Variants in NIPSNAP1 observed in about 807,000 individuals in gnomAD.
NIPSNAP1 encodes protein NipSnap homolog 1.
A neutral mutation model predicts 49.2 loss-of-function variants in NIPSNAP1; 25 were observed. The observed-to-expected ratio is 0.51, with a 90% CI of 0.37 to 0.71. NIPSNAP1 has a LOEUF of 0.71. NIPSNAP1 is among the 30% of genes least tolerant of loss of function. NIPSNAP1 has a pLI of 0.00. For synonymous variants in NIPSNAP1, 143 were observed against 140.7 expected (o/e 1.02, Z -0.12); for missense variants, 294 against 361.0 (o/e 0.81, Z 1.50).
intron 9 of NIPSNAP1, among the ~76,000 whole-genome samples, chr22:29,558,590 C>T (rs1033729646): frequency 1.3e-5 from 2 of 152,156 alleles, no homozygotes; most frequent in Admixed American, 6.6e-5. Context: ...ACAGCCTCAG[C>T]GAGGTAAAGA....
intron 1 of NIPSNAP1, 22 bp downstream of exon 1, chr22:29,580,962 TC>T: frequency 6.6e-7 from 1 of 1,523,344 alleles, no homozygotes; most frequent in South Asian, 1.2e-5. Context: ...CGCGCGTCTA[TC>T]CCTGCCTGGC....
chr22:29,565,513 G>A (rs748524424), intron 4 of NIPSNAP1, among the ~76,000 whole-genome samples: 4 of 150,666 alleles, frequency 2.7e-5, no homozygotes, highest in Non-Finnish European at 5.9e-5. Context: ...ACTCGGTCTC[G>A]AAAAAGAAAA....
At chr22:29,565,908 A>T (rs1330815055) in intron 4 of NIPSNAP1, among the ~76,000 whole-genome samples, 2 of 152,248 alleles carry the variant, frequency 1.3e-5, no homozygotes, top group Non-Finnish European at 2.9e-5. Context: ...CAGGTCACAG[A>T]TTATTTTCAA....
chr22:29,555,846 G>T lies in NIPSNAP1; in HGVS notation c.*89C>A. ...CCCCTCAGAGTCCTCCCAGAGCCAAGACAAAACCAAGACAGCAGGACCAGG... is the reference window on the plus strand; with the variant it reads ...CCCCTCAGAGTCCTCCCAGAGCCAATACAAAACCAAGACAGCAGGACCAGG... On this transcript the variant is annotated 3_prime_UTR_variant, in exon 10 of 10. Coordinates refer to ENST00000216121, the MANE Select transcript of NIPSNAP1 (RefSeq NM_003634.4). 7.8e-7 allele frequency: 1 copy of T among 1,277,470 alleles called. No individual in the cohort carries two copies. Among genetic ancestry groups the T allele is most frequent in the Non-Finnish European group, 1.1e-6 (1 of 897,146 alleles). 79.1% of individuals were successfully genotyped at this position (1,277,470 alleles called of 1,614,324 possible). A position where few individuals can be genotyped will look rare whatever the true frequency, so the allele number is the denominator to read the frequency against.
chr22:29,571,339 C>T (rs1008007158), intron 1 of NIPSNAP1, among the ~76,000 whole-genome samples: 25 of 152,184 alleles, frequency 1.6e-4, no homozygotes, highest in Admixed American at 1.4e-3. Flanking sequence ...GAGTAAAAGG[C>T]ACTGCAAAGC....
chr22:29,573,273 G>T (rs907262546), intron 1 of NIPSNAP1, among the ~76,000 whole-genome samples: 1 of 152,066 alleles, frequency 6.6e-6, no homozygotes, highest in African/African-American at 2.4e-5. Context: ...TCGACCTCAT[G>T]ATCCACCTGC....
chr22:29,580,942 C>T, intron 1 of NIPSNAP1, 43 bp downstream of exon 1: 2 of 1,468,360 alleles, frequency 1.4e-6, no homozygotes, highest in Non-Finnish European at 1.8e-6. Flanking sequence ...CGCGCCTGCA[C>T]CCCACCCCGC....
chr22:29,562,274 G>A (rs551338145), intron 4 of NIPSNAP1, among the ~76,000 whole-genome samples: 186 of 152,260 alleles, frequency 1.2e-3, no homozygotes, highest in Middle Eastern at 3.4e-3. Context: ...AGAACTGATG[G>A]GCTGATATGG....
chr22:29,565,645 G>A (rs1054696199), intron 4 of NIPSNAP1, among the ~76,000 whole-genome samples: 8 of 152,114 alleles, frequency 5.3e-5, no homozygotes. Flanking sequence ...AGCTGTAGTG[G>A]CTGAAACTGA....
At chr22:29,560,700 CT>C in intron 8 of NIPSNAP1, 33 bp downstream of exon 8, 1 of 1,565,240 alleles carries the variant, frequency 6.4e-7, no homozygotes, top group South Asian at 1.1e-5. Context: ...AGAAAGAGAA[CT>C]AACAAAAGGC....
At chr22:29,560,013 T>TC (rs2064322783) in intron 8 of NIPSNAP1, among the ~76,000 whole-genome samples, 1 of 152,080 alleles carries the variant, frequency 6.6e-6, no homozygotes, top group African/African-American at 2.4e-5. Context: ...CCCTACTCAC[T>TC]CCACACTGGC....
intron 1 of NIPSNAP1, among the ~76,000 whole-genome samples, chr22:29,575,334 C>T (rs1340966885): frequency 3.9e-5 from 6 of 152,110 alleles, no homozygotes; most frequent in Admixed American, 3.9e-4. Context: ...CGTCTCTTCC[C>T]ACTACTCTAA....
intron 4 of NIPSNAP1, among the ~76,000 whole-genome samples, chr22:29,568,675 C>T (rs972844908): frequency 6.6e-6 from 1 of 151,958 alleles, no homozygotes; most frequent in East Asian, 1.9e-4. Flanking sequence ...GCCTGTAATC[C>T]CAGCTACTCA....
Position 29,555,733 on chromosome 22 carries a change from A to T in NIPSNAP1, c.*202T>A. On this transcript the variant is annotated 3_prime_UTR_variant, in exon 10 of 10. Transcript: ENST00000216121. Reference sequence around the variant, plus strand: ...CTACTTCTAGCAGGGGGAGGGAGGCAGGCAGGGAAAGTAGAAAGGGCCTGG... The same window carrying T: ...CTACTTCTAGCAGGGGGAGGGAGGCTGGCAGGGAAAGTAGAAAGGGCCTGG... 1 of 598,780 alleles carries T rather than the reference A, an allele frequency of 1.7e-6. No homozygotes were observed. The highest frequency in any genetic ancestry group is 3.1e-6 in the Non-Finnish European group (1 of 327,504). The allele number at this position is 598,780 out of a possible 1,614,324, so 37.1% of individuals were successfully genotyped here. A position where few individuals can be genotyped will look rare whatever the true frequency, so the allele number is the denominator to read the frequency against.
chr22:29,570,222 A>G lies in NIPSNAP1; in HGVS notation c.227-15T>C. On this transcript the variant is annotated splice_polypyrimidine_tract_variant and intron_variant, in intron 2 of 9. Transcript: ENST00000216121. Reference sequence around the variant, plus strand: ...TACATTGTGAACTGCAACAGAGGACAGAGAACAAGAAGTGAGGTAGGGTGT... The same window carrying G: ...TACATTGTGAACTGCAACAGAGGACGGAGAACAAGAAGTGAGGTAGGGTGT... 3 of 1,613,938 alleles carry G rather than the reference A, an allele frequency of 1.9e-6. No homozygotes were observed. Among genetic ancestry groups the G allele is most frequent in the South Asian group, 2.2e-5 (2 of 91,078 alleles).
chr22:29,560,078 A>G (rs949563351), intron 8 of NIPSNAP1, among the ~76,000 whole-genome samples: 6 of 152,110 alleles, frequency 3.9e-5, no homozygotes, highest in Admixed American at 2.6e-4. Context: ...GGGCCTTTGC[A>G]TGTGCTGCTC....
intron 1 of NIPSNAP1, chr22:29,580,033 C>T: frequency 8.0e-7 from 1 of 1,251,970 alleles, no homozygotes; most frequent in Non-Finnish European, 1.1e-6. Context: ...CATTCCTGGG[C>T]TGCAGGGCAG....
chr22:29,579,289 CTTT>C (rs34084606), intron 1 of NIPSNAP1, among the ~76,000 whole-genome samples: 4 of 57,374 alleles, frequency 7.0e-5, no homozygotes, highest in Admixed American at 2.5e-4. Flanking sequence ...AATTTTTGTA[CTTT>C]TTTTTTTTTT....
intron 4 of NIPSNAP1, among the ~76,000 whole-genome samples, chr22:29,568,464 C>G (rs1476966254): frequency 7.5e-6 from 1 of 133,342 alleles, no homozygotes; most frequent in Non-Finnish European, 1.6e-5. Context: ...GCCTGGGTGA[C>G]AGAGCGAGAC....
Sources: allele counts gnomAD v4.1 joint callset (sites outside exome capture counted in the v4.1 genomes callset), GRCh38; gene constraint gnomAD v4.1.1; transcripts MANE v1.5; gene names NCBI Gene and HGNC (gene_info 2026-07-23, HGNC 2026-07-21).